The following NRG2 variants were observed in gnomAD, a reference collection of about 807,000 sequenced individuals.
NRG2 encodes the protein pro-neuregulin-2, membrane-bound isoform.
Under a neutral mutation model 73.9 loss-of-function variants are expected in NRG2, and 27 were observed. That is an observed-to-expected ratio of 0.37 (90% CI 0.27 to 0.50). The LOEUF is 0.50. NRG2 is among the 20% of genes least tolerant of loss of function. The pLI is 0.96. For missense variants in NRG2, 1,126 were observed against 1,210.1 expected (o/e 0.93, Z 1.03); for synonymous variants, 532 against 541.0 (o/e 0.98, Z 0.23).
At chr5:139,848,770 G>GTT in intron 9 of NRG2, 73 bp from the exon 10 acceptor site, 2 of 159,414 alleles carry the variant, frequency 1.3e-5, no homozygotes, top group Non-Finnish European at 2.4e-5. Context: ...TGGGGGTGGG[G>GTT]TAGGGTGGGA....
rs114817698 is a variant in NRG2, at chr5:139,991,320, G to A, written c.700+51050C>T. On this transcript the variant is annotated intron_variant, in intron 1 of 9. Transcript: ENST00000361474. ...AATATTAATATGGTCAAATGTATCC[G>A]TTTTTCTTTTGCAGTCAATATTTTT... is the stretch of plus-strand genomic sequence containing the variant. Among the ~76,000 whole-genome samples the A allele has an allele frequency of 1.8e-3, 272 of 151,874 alleles. 1 individual carries two copies. Among genetic ancestry groups the A allele is most frequent in the African/African-American group, 6.2e-3 (257 of 41,434 alleles).
intron 6 of NRG2, among the ~76,000 whole-genome samples, chr5:139,854,101 AC>A (rs1761659525): frequency 1.3e-5 from 2 of 151,910 alleles, no homozygotes; most frequent in African/African-American, 2.4e-5. Flanking sequence ...TGAAAATAAA[AC>A]CCCTTTATTG....
intron 1 of NRG2, among the ~76,000 whole-genome samples, chr5:139,976,025 A>G (rs1580856132): frequency 6.6e-6 from 1 of 152,206 alleles, no homozygotes; most frequent in South Asian, 2.1e-4. Context: ...GAACAACTCC[A>G]TGAGGTAGCT....
intron 5 of NRG2, among the ~76,000 whole-genome samples, chr5:139,864,089 A>G (rs1762319969): frequency 6.6e-6 from 1 of 151,506 alleles, no homozygotes; most frequent in African/African-American, 2.4e-5. Context: ...TTGGTTCCAC[A>G]CTCCTCATGG....
intron 1 of NRG2, among the ~76,000 whole-genome samples, chr5:139,895,844 C>T (rs1264120000): frequency 6.6e-6 from 1 of 152,218 alleles, no homozygotes; most frequent in East Asian, 1.9e-4. Flanking sequence ...GTTTAATCTC[C>T]CTACTGGGGA....
At chr5:139,850,900 C>T (rs1259238918) in intron 9 of NRG2, among the ~76,000 whole-genome samples, 1 of 152,180 alleles carries the variant, frequency 6.6e-6, no homozygotes, top group Non-Finnish European at 1.5e-5. Context: ...GCAGTTTACT[C>T]CTTCTTCGTG....
intron 3 of NRG2, among the ~76,000 whole-genome samples, chr5:139,874,192 G>T (rs1450267339): frequency 6.6e-6 from 1 of 152,210 alleles, no homozygotes; most frequent in Non-Finnish European, 1.5e-5. Flanking sequence ...TAGCACGCGT[G>T]GGCTCCTGAG....
chr5:139,939,467 G>C (rs1753224203), intron 1 of NRG2, among the ~76,000 whole-genome samples: 1 of 151,950 alleles, frequency 6.6e-6, no homozygotes, highest in South Asian at 2.1e-4. Context: ...TAGAGACAGG[G>C]TTTCACCGTG....
At chr5:140,041,611 A>ACT (rs759360415) in intron 1 of NRG2, among the ~76,000 whole-genome samples, 6 of 148,364 alleles carry the variant, frequency 4.0e-5, no homozygotes, top group Non-Finnish European at 7.4e-5. Context: ...AGCAGAAGTT[A>ACT]CTCTCTTTCA....
chr5:139,958,923 C>T (rs1754847448), intron 1 of NRG2, among the ~76,000 whole-genome samples: 1 of 152,160 alleles, frequency 6.6e-6, no homozygotes, highest in African/African-American at 2.4e-5. Context: ...AACCGAGGGC[C>T]ATTGGTGGCA....
intron 1 of NRG2, among the ~76,000 whole-genome samples, chr5:140,029,678 ACT>A (rs1475621084): frequency 7.3e-6 from 1 of 137,418 alleles, no homozygotes; most frequent in South Asian, 2.3e-4. Context: ...ACAGAGCAAG[ACT>A]CTGTCTCAAA....
chr5:140,034,764 C>G (rs1282482793), intron 1 of NRG2, among the ~76,000 whole-genome samples: 1 of 151,694 alleles, frequency 6.6e-6, no homozygotes, highest in Non-Finnish European at 1.5e-5. Flanking sequence ...AATAGAATAC[C>G]ATAGCAAAAA....
Position 139,870,592 on chromosome 5 carries a change from C to T in NRG2, c.1112+1129G>A, listed in dbSNP as rs1762775738. On this transcript the variant is annotated intron_variant, in intron 4 of 9. Coordinates refer to ENST00000361474, the MANE Select transcript of NRG2 (RefSeq NM_004883.3). The surrounding 1 kb of genome is among the most constrained non-coding windows in gnomAD (Gnocchi z 4.4). ...GCCTGGGGGAAGGTCAAACATCTCT[C>T]TCTGAATCCCCATCAATGTTTTGGT... 6.6e-6 allele frequency among the ~76,000 whole-genome samples: 1 copy of T among 152,180 alleles called. No individual in the cohort carries two copies. Among genetic ancestry groups the T allele is most frequent in the East Asian group, 1.9e-4 (1 of 5,202 alleles).
intron 1 of NRG2, among the ~76,000 whole-genome samples, chr5:140,019,808 T>C (rs1760079206): frequency 6.6e-6 from 1 of 152,166 alleles, no homozygotes; most frequent in Non-Finnish European, 1.5e-5. Context: ...TACCCCTCTT[T>C]GGGGCACAAT....
chr5:140,024,754 G>A (rs373902975), intron 1 of NRG2, among the ~76,000 whole-genome samples: 106 of 152,238 alleles, frequency 7.0e-4, no homozygotes, highest in African/African-American at 2.5e-3. Context: ...TTATGGAAGC[G>A]GCTCGGGTTT....
At chr5:139,913,578 A>C (rs1751018562) in intron 1 of NRG2, among the ~76,000 whole-genome samples, 1 of 152,184 alleles carries the variant, frequency 6.6e-6, no homozygotes, top group African/African-American at 2.4e-5. Context: ...GGTCCCTATG[A>C]GAGCCTTTGT....
intron 4 of NRG2, 82 bp downstream of exon 4, chr5:139,871,639 T>G (rs565645162): frequency 1.3e-6 from 2 of 1,569,574 alleles, no homozygotes; most frequent in Non-Finnish European, 1.7e-6. Flanking sequence ...CTTGGAACCC[T>G]CTTTTCCTAG....
chr5:139,854,055 C>T (rs1761655576), intron 6 of NRG2, among the ~76,000 whole-genome samples: 1 of 152,248 alleles, frequency 6.6e-6, no homozygotes, highest in South Asian at 2.1e-4. Flanking sequence ...CTCATGTACC[C>T]CATAAATATA....
At chr5:139,983,662 T>C (rs11952105) in intron 1 of NRG2, among the ~76,000 whole-genome samples, 2,029 of 152,360 alleles carry the variant, frequency 0.013, 42 homozygotes, top group African/African-American at 0.046. Context: ...TTTCACAATA[T>C]TCCTTTATGT....
Sources: gnomAD v4.1 joint callset for allele counts (sites outside exome capture counted in the v4.1 genomes callset) on GRCh38, gnomAD v4.1.1 for gene constraint, Gnocchi (gnomAD v3.1) non-coding constraint, MANE v1.5 for transcripts, NCBI Gene and HGNC (gene_info 2026-07-23, HGNC 2026-07-21) for gene names.